Variants in EYS observed in about 807,000 individuals in gnomAD.
The protein encoded by EYS is protein eyes shut homolog.
EYS carries 250 observed loss-of-function variants against 282.1 expected under a neutral mutation model. The observed-to-expected ratio is 0.89, with a 90% CI of 0.80 to 0.98. The LOEUF is 0.98. Ranked by LOEUF, EYS falls within the 50% of genes least tolerant of loss-of-function variation. The probability of loss-of-function intolerance (pLI) is 0.00; values close to 1 mark genes in which losing one functional copy is unlikely to be tolerated. For missense variants in EYS, 4,016 were observed against 3,709.0 expected, an observed-to-expected ratio of 1.08 and a Z score of -2.15; for synonymous variants, 1,355 against 1,282.9, an observed-to-expected ratio of 1.06 and a Z score of -1.20.
chr6:64,203,454 C>T (rs1765524173), intron 31 of EYS, among the ~76,000 whole-genome samples: 1 of 152,140 alleles, frequency 6.6e-6, no homozygotes. Flanking sequence ...AGCCAGACTG[C>T]AGGTCAAGGG....
intron 35 of EYS, among the ~76,000 whole-genome samples, chr6:63,886,338 T>G (rs893978792): frequency 6.6e-6 from 1 of 152,206 alleles, no homozygotes; most frequent in African/African-American, 2.4e-5. Context: ...GAACAAGGCC[T>G]ATGGTCAGTT....
intron 12 of EYS, among the ~76,000 whole-genome samples, chr6:65,290,958 T>C (rs1354299629): frequency 6.6e-6 from 1 of 151,446 alleles, no homozygotes; most frequent in Non-Finnish European, 1.5e-5. Context: ...GTGTTTACTC[T>C]CACCATTAAT....
At chr6:65,069,775 T>G (rs1309136296) in intron 12 of EYS, among the ~76,000 whole-genome samples, 1 of 152,006 alleles carries the variant, frequency 6.6e-6, no homozygotes, top group Non-Finnish European at 1.5e-5. Context: ...GCTCAGATTT[T>G]TCTTCTGTGC....
At chr6:64,700,381 C>T (rs1328352637) in intron 22 of EYS, among the ~76,000 whole-genome samples, 7 of 151,890 alleles carry the variant, frequency 4.6e-5, no homozygotes, top group Non-Finnish European at 1.5e-5. Context: ...AAGTCTTAGC[C>T]AGAGCAATCA....
At chr6:64,296,594 ATATAT>A (rs1769031017) in intron 30 of EYS, among the ~76,000 whole-genome samples, 1 of 4,874 alleles carries the variant, frequency 2.1e-4, no homozygotes, top group East Asian at 4.3e-3. Flanking sequence ...ACATATATAT[ATATAT>A]TTTTTTTTTT....
chr6:64,949,708 G>A (rs1769418154), intron 14 of EYS, among the ~76,000 whole-genome samples: 1 of 151,804 alleles, frequency 6.6e-6, no homozygotes, highest in Non-Finnish European at 1.5e-5. Context: ...AGATTTTACA[G>A]GGCATATACA....
intron 26 of EYS, among the ~76,000 whole-genome samples, chr6:64,508,435 C>T (rs1262315888): frequency 6.6e-6 from 1 of 151,816 alleles, no homozygotes; most frequent in African/African-American, 2.4e-5. Flanking sequence ...TCTGTTTCTC[C>T]AACCTTAAAA....
intron 5 of EYS, among the ~76,000 whole-genome samples, chr6:65,423,360 G>T (rs1388351499): frequency 6.6e-6 from 1 of 151,834 alleles, no homozygotes; most frequent in African/African-American, 2.4e-5. Context: ...TAAAAGGCAG[G>T]TAATTTGTTA....
chr6:64,665,047 T>C (rs1769181951), intron 22 of EYS, among the ~76,000 whole-genome samples: 2 of 152,204 alleles, frequency 1.3e-5, no homozygotes, highest in Admixed American at 1.3e-4. Flanking sequence ...CTTATCTTTG[T>C]AAATATACAT....
intron 12 of EYS, among the ~76,000 whole-genome samples, chr6:65,115,335 T>G (rs1295376774): frequency 6.6e-6 from 1 of 152,152 alleles, no homozygotes; most frequent in African/African-American, 2.4e-5. Context: ...CATGTTCATC[T>G]TTATCACTCA....
Position 65,506,460 on chromosome 6 carries a change from C to CTTTTTTTTTTTTTTTTTTTTT in EYS, c.-332-10488_-332-10468dup, listed in dbSNP as rs58326040. On this transcript the variant is annotated intron_variant, in intron 2 of 42. Coordinates refer to ENST00000503581, the MANE Select transcript of EYS (RefSeq NM_001142800.2). ...GGTTTACAATATCCTTCCTTCCTTT[C>CTTTTTTTTTTTTTTTTTTTTT]TTTTTTTTTTTTTTTTTTTTTTTTT... Among the ~76,000 whole-genome samples the CTTTTTTTTTTTTTTTTTTTTT allele has an allele frequency of 3.1e-4, 20 of 64,858 alleles. 3 individuals are homozygous for CTTTTTTTTTTTTTTTTTTTTT. The highest frequency in any genetic ancestry group is 4.5e-4 in the Non-Finnish European group (16 of 35,804). 42.5% of individuals were successfully genotyped at this position (64,858 alleles called of 152,430 possible). A position where few individuals can be genotyped will look rare whatever the true frequency, so the allele number is the denominator to read the frequency against.
At chr6:64,114,831 A>G (rs2150269037) in intron 31 of EYS, among the ~76,000 whole-genome samples, 1 of 152,258 alleles carries the variant, frequency 6.6e-6, no homozygotes, top group East Asian at 1.9e-4. Flanking sequence ...AAGAGCTGCT[A>G]TAGTGCTGAA....
intron 30 of EYS, among the ~76,000 whole-genome samples, chr6:64,269,742 GT>G (rs763603826): frequency 7.9e-5 from 12 of 151,728 alleles, no homozygotes; most frequent in Non-Finnish European, 1.3e-4. Context: ...AAATTGCATT[GT>G]TTTTAATCTT....
At chr6:64,619,220 C>T (rs535670226) in intron 23 of EYS, among the ~76,000 whole-genome samples, 5 of 152,128 alleles carry the variant, frequency 3.3e-5, no homozygotes, top group African/African-American at 7.2e-5. Flanking sequence ...CTCTTCTGAT[C>T]GAATATTTCA....
At chr6:65,200,743 C>T (rs1040092931) in intron 12 of EYS, among the ~76,000 whole-genome samples, 2 of 147,852 alleles carry the variant, frequency 1.4e-5, no homozygotes, top group Non-Finnish European at 1.5e-5. Flanking sequence ...TCATATTTCT[C>T]GAAATTCTAA....
intron 40 of EYS, among the ~76,000 whole-genome samples, 177 bp from the exon 41 acceptor site, chr6:63,762,810 T>G (rs1307966051): frequency 6.6e-6 from 1 of 152,122 alleles, no homozygotes; most frequent in Non-Finnish European, 1.5e-5. Context: ...ATAGGATTAC[T>G]GGACTCCACA....
At chr6:64,169,328 G>T (rs906372819) in intron 31 of EYS, among the ~76,000 whole-genome samples, 2 of 151,990 alleles carry the variant, frequency 1.3e-5, no homozygotes, top group Non-Finnish European at 2.9e-5. Context: ...GGCCTGATGC[G>T]TGATCAGAGA....
intron 11 of EYS, chr6:65,330,996 TGTC>T: frequency 3.0e-6 from 3 of 984,496 alleles, no homozygotes; most frequent in Non-Finnish European, 3.6e-6. Flanking sequence ...CTCGGGTTGT[TGTC>T]AGAGCTCTCT....
intron 10 of EYS, among the ~76,000 whole-genome samples, chr6:65,337,193 A>T (rs73443158): frequency 0.042 from 6,439 of 151,590 alleles, 233 homozygotes; most frequent in African/African-American, 0.098. Context: ...GCTCAAAACA[A>T]GTAAGAAAGT....
Sources: allele counts gnomAD v4.1 joint callset (sites outside exome capture counted in the v4.1 genomes callset), GRCh38; gene constraint gnomAD v4.1.1; transcripts MANE v1.5; gene names NCBI Gene and HGNC (gene_info 2026-07-23, HGNC 2026-07-21).